The following TM9SF2 variants were observed in gnomAD, a reference collection of about 807,000 sequenced individuals.
TM9SF2 encodes the protein transmembrane 9 superfamily member 2.
A neutral mutation model predicts 84.9 loss-of-function variants in TM9SF2; 13 were observed. The observed-to-expected ratio is 0.15, with a 90% confidence interval of 0.10 to 0.24. TM9SF2 has a LOEUF of 0.24. Ranked by LOEUF, TM9SF2 falls within the 10% of genes least tolerant of loss-of-function variation. TM9SF2 has a pLI of 1.00. For missense variants in TM9SF2, 562 were observed against 818.5 expected (o/e 0.69, Z 3.82); for synonymous variants, 273 against 285.8 (o/e 0.96, Z 0.45).
chr13:99,527,227 G>C (rs763696038), intron 3 of TM9SF2, among the ~76,000 whole-genome samples: 4 of 152,104 alleles, frequency 2.6e-5, no homozygotes, highest in African/African-American at 4.8e-5. Flanking sequence ...AATGGGATTA[G>C]TCCTGCCCAT....
chr13:99,561,171 A>C (rs181425385), intron 16 of TM9SF2, among the ~76,000 whole-genome samples: 1 of 152,322 alleles, frequency 6.6e-6, no homozygotes, highest in African/African-American at 2.4e-5. Flanking sequence ...TGAGCCCTTT[A>C]AATGCCTTAC....
At chr13:99,527,788 T>A (rs377737630) in intron 3 of TM9SF2, among the ~76,000 whole-genome samples, 18 of 152,320 alleles carry the variant, frequency 1.2e-4, no homozygotes, top group African/African-American at 3.1e-4. Flanking sequence ...CCTATTTTCA[T>A]CAGTCAGCAT....
chr13:99,507,235 C>G (rs978513807), intron 1 of TM9SF2, among the ~76,000 whole-genome samples: 4 of 152,246 alleles, frequency 2.6e-5, no homozygotes, highest in Non-Finnish European at 4.4e-5. Flanking sequence ...AAAGCCTAGG[C>G]TCTTCGCCAC....
At chr13:99,536,809 A>G in intron 5 of TM9SF2, 72 bp downstream of exon 5, 1 of 1,545,954 alleles carries the variant, frequency 6.5e-7, no homozygotes, top group South Asian at 1.2e-5. Flanking sequence ...TTACCTGGAC[A>G]AAAATTGTTA....
intron 4 of TM9SF2, among the ~76,000 whole-genome samples, chr13:99,533,869 CTA>C (rs2046221902): frequency 1.3e-5 from 2 of 152,146 alleles, no homozygotes; most frequent in Non-Finnish European, 2.9e-5. Context: ...CGGGATTTCA[CTA>C]TGTTGGCCAG....
chr13:99,517,893 A>G lies in TM9SF2; in HGVS notation c.239+212A>G, dbSNP rs555311819. 2.6e-5 allele frequency among the ~76,000 whole-genome samples: 4 copies of G among 152,272 alleles called. No homozygotes were observed. In the East Asian group the frequency reaches 5.8e-4, roughly 22 times the overall value. ...GACTAAACAATGGATTTCTTTTTTT[A>G]TCTGACTAAACAAAAAGCTATTTTG... is the stretch of plus-strand genomic sequence containing the variant. On this transcript the variant is annotated intron_variant, in intron 2 of 16. Coordinates refer to ENST00000376387, the MANE Select transcript of TM9SF2 (RefSeq NM_004800.3).
chr13:99,527,436 G>A (rs1044917014), intron 3 of TM9SF2, among the ~76,000 whole-genome samples: 6 of 152,096 alleles, frequency 3.9e-5, no homozygotes, highest in African/African-American at 1.4e-4. Flanking sequence ...AGAGTGAATC[G>A]GAGAAAGCCC....
At chr13:99,549,952 C>T (rs9517765) in intron 12 of TM9SF2, among the ~76,000 whole-genome samples, 80,198 of 152,026 alleles carry the variant, frequency 0.53, 22,939 homozygotes, top group East Asian at 0.7. Flanking sequence ...TCACCTCCAC[C>T]GAAGATTCAC....
chr13:99,528,565 A>T (rs1368262321), intron 3 of TM9SF2, among the ~76,000 whole-genome samples: 1 of 152,180 alleles, frequency 6.6e-6, no homozygotes, highest in African/African-American at 2.4e-5. Context: ...TCTCTGCTTA[A>T]CTTATTTTAA....
intron 4 of TM9SF2, among the ~76,000 whole-genome samples, chr13:99,532,328 G>A (rs1470278908): frequency 6.6e-6 from 1 of 152,082 alleles, no homozygotes; most frequent in East Asian, 1.9e-4. Flanking sequence ...GGGATTACAA[G>A]TGTGAGCCAC....
chr13:99,512,263 G>A (rs1262233734), intron 1 of TM9SF2, among the ~76,000 whole-genome samples: 4 of 152,182 alleles, frequency 2.6e-5, no homozygotes, highest in Non-Finnish European at 5.9e-5. Flanking sequence ...TTATGGACCA[G>A]CTTCTGCGTG....
In TM9SF2 at chr13:99,541,795, A is replaced by C. The variant is rs1176302312; in HGVS notation, c.1017+128A>C. ...TTCAAAAAACAAAAACAAAAACAAAAAAATTCTTCTCAAAAGTTATCTTGA... is the reference window on the plus strand; with the variant it reads ...TTCAAAAAACAAAAACAAAAACAAACAAATTCTTCTCAAAAGTTATCTTGA... On this transcript the variant is annotated intron_variant, in intron 9 of 16. Coordinates refer to ENST00000376387, the MANE Select transcript of TM9SF2 (RefSeq NM_004800.3). The C allele has an allele frequency of 7.0e-6, 4 of 570,916 alleles. No homozygotes were observed. The African/African-American group carries it at 7.9e-5, about 11-fold the overall frequency. 35.4% of individuals were successfully genotyped at this position (570,916 alleles called of 1,614,324 possible). A position where few individuals can be genotyped will look rare whatever the true frequency, so the allele number is the denominator to read the frequency against.
Position 99,527,346 on chromosome 13 carries a change from G to A in TM9SF2, c.334-2121G>A, listed in dbSNP as rs113356926. Among the ~76,000 whole-genome samples, 255 of 152,216 alleles carry A rather than the reference G, an allele frequency of 1.7e-3. 2 individuals carry two copies. Among genetic ancestry groups the A allele is most frequent in the African/African-American group, 5.9e-3 (246 of 41,508 alleles). On this transcript the variant is annotated intron_variant, in intron 3 of 16. Transcript: ENST00000376387. ...ATTGACTCACAGTTCCATATGGCTG[G>A]GGAGGCCTCAGGAAAACAATCATGG...
intron 3 of TM9SF2, among the ~76,000 whole-genome samples, chr13:99,528,354 G>A (rs1055227833): frequency 1.3e-5 from 2 of 152,198 alleles, no homozygotes; most frequent in Admixed American, 1.3e-4. Flanking sequence ...GATGAATAAG[G>A]GTTGTTTGGA....
intron 11 of TM9SF2, among the ~76,000 whole-genome samples, chr13:99,548,403 T>G (rs1158678443): frequency 6.6e-6 from 1 of 152,244 alleles, no homozygotes; most frequent in African/African-American, 2.4e-5. Flanking sequence ...TTTTATTATT[T>G]TCTTTTAGGG....
chr13:99,515,734 G>T (rs906172436), intron 1 of TM9SF2, among the ~76,000 whole-genome samples: 34 of 138,590 alleles, frequency 2.5e-4, no homozygotes, highest in South Asian at 4.6e-4. Flanking sequence ...AGAAATACTG[G>T]TTTTTTTTTT....
Position 99,541,546 on chromosome 13 carries a change from CT to C in TM9SF2, c.909-11del. ...TAAGCTACAGATTACTCATGATGTG[CT>C]TATTTCTACAGCATTATGAATTCCC... On this transcript the variant is annotated splice_polypyrimidine_tract_variant and intron_variant, in intron 8 of 16. Transcript: ENST00000376387. The C allele has an allele frequency of 1.9e-6, 3 of 1,584,308 alleles. No individual in the cohort carries two copies. Among genetic ancestry groups the C allele is most frequent in the Non-Finnish European group, 2.6e-6 (3 of 1,156,024 alleles).
intron 1 of TM9SF2, among the ~76,000 whole-genome samples, chr13:99,508,510 G>A (rs1388604589): frequency 1.3e-5 from 2 of 149,588 alleles, no homozygotes; most frequent in African/African-American, 5.0e-5. Context: ...TTTAATATAT[G>A]CTGTATTAGG....
intron 3 of TM9SF2, 39 bp downstream of exon 3, chr13:99,520,168 G>A (rs746504752): frequency 7.1e-6 from 11 of 1,540,034 alleles, no homozygotes; most frequent in Non-Finnish European, 9.7e-6. Flanking sequence ...TTTACTTACA[G>A]CTTTTGTTTT....
Sources: gnomAD v4.1 joint callset for allele counts (sites outside exome capture counted in the v4.1 genomes callset) on GRCh38, gnomAD v4.1.1 for gene constraint, MANE v1.5 for transcripts, NCBI Gene and HGNC (gene_info 2026-07-23, HGNC 2026-07-21) for gene names.